Variants in KIF1B observed in about 807,000 individuals in gnomAD.
KIF1B encodes the protein kinesin-like protein KIF1B.
A neutral mutation model predicts 241.9 loss-of-function variants in KIF1B; 76 were observed. The ratio of observed to expected loss-of-function variants is 0.31; its 90% CI spans 0.26 to 0.38. The LOEUF is 0.38. KIF1B is among the 10% of genes least tolerant of loss of function. KIF1B has a pLI of 1.00. For missense variants in KIF1B, 1,622 were observed against 2,271.4 expected (o/e 0.71, Z 5.81); for synonymous variants, 750 against 796.7 (o/e 0.94, Z 0.99).
At chr1:10,268,307 G>A in intron 7 of KIF1B, 44 bp downstream of exon 7, 1 of 1,317,966 alleles carries the variant, frequency 7.6e-7, no homozygotes, top group Non-Finnish European at 1.1e-6. Context: ...GAAGGATGGA[G>A]ATTTTGAGAA....
chr1:10,249,164 A>G (rs866865609), intron 2 of KIF1B, among the ~76,000 whole-genome samples: 1 of 152,266 alleles, frequency 6.6e-6, no homozygotes, highest in Middle Eastern at 3.4e-3. Flanking sequence ...GGGTGAAAAT[A>G]TGGTTTATAT....
chr1:10,235,510 C>T (rs771418103), intron 2 of KIF1B, among the ~76,000 whole-genome samples: 115 of 152,300 alleles, frequency 7.6e-4, no homozygotes, highest in Non-Finnish European at 1.4e-3. Context: ...GCCTTGGCCT[C>T]CCAGAGTGCT....
At chr1:10,229,601 A>G (rs1646951919) in intron 1 of KIF1B, among the ~76,000 whole-genome samples, 1 of 152,112 alleles carries the variant, frequency 6.6e-6, no homozygotes, top group Non-Finnish European at 1.5e-5. Context: ...TCATGCCTGT[A>G]ATCCCAGCAC....
At chr1:10,282,835 GT>G (rs1649479728) in intron 15 of KIF1B, among the ~76,000 whole-genome samples, 1 of 152,164 alleles carries the variant, frequency 6.6e-6, no homozygotes, top group Non-Finnish European at 1.5e-5. Context: ...CAGTGTAATT[GT>G]TTTGTTAGAA....
chr1:10,222,308 G>A (rs190776727), intron 1 of KIF1B, among the ~76,000 whole-genome samples: 4 of 152,304 alleles, frequency 2.6e-5, no homozygotes, highest in Non-Finnish European at 4.4e-5. Flanking sequence ...TGTGTATAGT[G>A]TAGGAAGGTG....
intron 22 of KIF1B, chr1:10,307,870 T>G (rs1246128946): frequency 9.5e-7 from 1 of 1,047,218 alleles, no homozygotes; most frequent in Non-Finnish European, 1.2e-6. Flanking sequence ...CTTTAGTAAG[T>G]GTAAACCAAA....
At chr1:10,268,088 G>A in intron 6 of KIF1B, 64 bp from the exon 7 acceptor site, 1 of 987,868 alleles carries the variant, frequency 1.0e-6, no homozygotes, top group Non-Finnish European at 1.6e-6. Context: ...TGTGGAGCCT[G>A]CTGTCCATTT....
chr1:10,292,292 G>C, intron 17 of KIF1B, 170 bp downstream of exon 17: 1 of 626,980 alleles, frequency 1.6e-6, no homozygotes, highest in Non-Finnish European at 2.8e-6. Context: ...ATAGTACAAA[G>C]GCAGCCTATT....
At chr1:10,352,588 T>C in intron 37 of KIF1B, 43 bp from the exon 38 acceptor site, 1 of 1,518,232 alleles carries the variant, frequency 6.6e-7, no homozygotes, top group East Asian at 2.3e-5. Context: ...ATGTTTTGTT[T>C]TCAAATGTGT....
chr1:10,317,404 C>T (rs1651348110), intron 22 of KIF1B, among the ~76,000 whole-genome samples: 1 of 151,374 alleles, frequency 6.6e-6, no homozygotes, highest in Non-Finnish European at 1.5e-5. Flanking sequence ...TTCAGACTCA[C>T]CTTGTACTTT....
chr1:10,295,773 A>G lies in KIF1B; in HGVS notation c.1777+7A>G, dbSNP rs367898139. 3 of 1,606,364 alleles carry G rather than the reference A, an allele frequency of 1.9e-6. No individual in the cohort carries two copies. The East Asian group carries it at 6.7e-5, about 36-fold the overall frequency. On this transcript the variant is annotated splice_region_variant and intron_variant, in intron 19 of 48. Transcript: ENST00000676179. Reference sequence around the variant, plus strand: ...AGAAGCAACAGCGGGGAAGGTGAGCATTCCTGGCTGGAGCTTCAGCAACAA... The same window carrying G: ...AGAAGCAACAGCGGGGAAGGTGAGCGTTCCTGGCTGGAGCTTCAGCAACAA...
At chr1:10,214,337 T>A (rs1646734064) in intron 1 of KIF1B, among the ~76,000 whole-genome samples, 1 of 152,004 alleles carries the variant, frequency 6.6e-6, no homozygotes, top group African/African-American at 2.4e-5. Flanking sequence ...TCACCCAGGC[T>A]GGAGTGCATT....
At chr1:10,279,238 C>G in intron 14 of KIF1B, 100 bp downstream of exon 14, 5 of 741,348 alleles carry the variant, frequency 6.7e-6, no homozygotes, top group Non-Finnish European at 1.2e-5. Flanking sequence ...GCAATCCTTA[C>G]AGGGAAATCC....
chr1:10,215,988 A>G (rs1646762893), intron 1 of KIF1B, among the ~76,000 whole-genome samples: 1 of 152,206 alleles, frequency 6.6e-6, no homozygotes, highest in Non-Finnish European at 1.5e-5. Context: ...GCTTATTCAT[A>G]TTGAGCACTT....
At chr1:10,308,433 T>C in intron 22 of KIF1B, 1 of 1,043,848 alleles carries the variant, frequency 9.6e-7, no homozygotes, top group Non-Finnish European at 1.2e-6. Context: ...TTGAATCTTC[T>C]TGTTAATAAA....
At chr1:10,371,287 G>A in intron 45 of KIF1B, 25 bp downstream of exon 45, 1 of 1,613,780 alleles carries the variant, frequency 6.2e-7, no homozygotes, top group East Asian at 2.2e-5. Context: ...TTCACTGAGA[G>A]AAGTCAATCT....
At chr1:10,224,801 A>C (rs1646889803) in intron 1 of KIF1B, among the ~76,000 whole-genome samples, 1 of 152,208 alleles carries the variant, frequency 6.6e-6, no homozygotes, top group African/African-American at 2.4e-5. Flanking sequence ...CAACCAAAAA[A>C]AATAACTATT....
chr1:10,322,380 G>T (rs532689010), intron 24 of KIF1B, among the ~76,000 whole-genome samples: 1 of 152,308 alleles, frequency 6.6e-6, no homozygotes, highest in African/African-American at 2.4e-5. Flanking sequence ...ACATAATGGG[G>T]TTGGCAGCAG....
At position 10,378,732 on chromosome 1, in the gene KIF1B, C is replaced by T. The variant is rs1638951079; in HGVS notation, c.*2145C>T. The stretch of plus-strand genomic sequence containing the variant: ...TCTCACTTCCTGGTTGGGCTCATCT[C>T]TGAAGAACAGGTCTCCCAGCTTCGC... On this transcript the variant is annotated 3_prime_UTR_variant, in exon 49 of 49. Coordinates refer to ENST00000676179, the MANE Select transcript of KIF1B (RefSeq NM_001365951.3). The T allele has an allele frequency of 2.7e-6, 1 of 366,560 alleles. No individual in the cohort carries two copies. Among genetic ancestry groups the T allele is most frequent in the Admixed American group, 4.2e-5 (1 of 23,544 alleles). The allele number at this position is 366,560 out of a possible 1,614,324, so 22.7% of individuals were successfully genotyped here. A position where few individuals can be genotyped will look rare whatever the true frequency, so the allele number is the denominator to read the frequency against.
Sources: allele counts gnomAD v4.1 joint callset (sites outside exome capture counted in the v4.1 genomes callset), GRCh38; gene constraint gnomAD v4.1.1; transcripts MANE v1.5; gene names NCBI Gene and HGNC (gene_info 2026-07-23, HGNC 2026-07-21).